Variants in TMEM132D observed in about 807,000 individuals in gnomAD.
TMEM132D encodes the protein mature OL transmembrane protein.
A neutral mutation model predicts 62.3 loss-of-function variants in TMEM132D; 21 were observed. That is an observed-to-expected ratio of 0.34 (90% confidence interval 0.24 to 0.49). TMEM132D has a LOEUF of 0.49. Ranked by LOEUF, TMEM132D falls within the 20% of genes least tolerant of loss-of-function variation. The pLI is 0.99. For missense variants in TMEM132D, 1,346 were observed against 1,402.8 expected, an observed-to-expected ratio of 0.96 and a Z score of 0.65; for synonymous variants, 621 against 575.6, an observed-to-expected ratio of 1.08 and a Z score of -1.13.
chr12:129,249,702 G>A (rs929673559), intron 4 of TMEM132D, among the ~76,000 whole-genome samples: 1 of 152,174 alleles, frequency 6.6e-6, no homozygotes, highest in African/African-American at 2.4e-5. Context: ...TACAATAACA[G>A]ATATTTACTT....
chr12:129,798,533 AT>A (rs1226951072), intron 1 of TMEM132D, among the ~76,000 whole-genome samples: 1 of 152,200 alleles, frequency 6.6e-6, no homozygotes, highest in African/African-American at 2.4e-5. Flanking sequence ...ATTAAGTTAA[AT>A]GGTGCAGGAT....
At chr12:129,418,612 T>C (rs929133500) in intron 3 of TMEM132D, among the ~76,000 whole-genome samples, 1 of 151,998 alleles carries the variant, frequency 6.6e-6, no homozygotes, top group African/African-American at 2.4e-5. Context: ...CTAATGCATG[T>C]GGGGCTTAAA....
intron 2 of TMEM132D, among the ~76,000 whole-genome samples, chr12:129,587,591 C>G (rs1358958459): frequency 6.6e-6 from 1 of 152,102 alleles, no homozygotes; most frequent in Non-Finnish European, 1.5e-5. Flanking sequence ...ATTCCCAAAG[C>G]TGTAAATATG....
intron 5 of TMEM132D, among the ~76,000 whole-genome samples, chr12:129,088,730 GT>G (rs1874771762): frequency 2.1e-5 from 1 of 48,646 alleles, no homozygotes. Flanking sequence ...CCCTGACCGG[GT>G]GTCCTCCATG....
chr12:129,675,523 C>T (rs1880606661), intron 2 of TMEM132D, among the ~76,000 whole-genome samples: 2 of 152,102 alleles, frequency 1.3e-5, no homozygotes, highest in Admixed American at 1.3e-4. Flanking sequence ...ACATGTATCC[C>T]AGAACTTAAA....
chr12:129,545,086 T>C (rs569620597), intron 2 of TMEM132D, among the ~76,000 whole-genome samples: 1 of 152,336 alleles, frequency 6.6e-6, no homozygotes, highest in East Asian at 1.9e-4. Flanking sequence ...GTCACTGTGA[T>C]TGGGTCCAAA....
At chr12:129,702,368 G>A (rs1025247670) in intron 1 of TMEM132D, among the ~76,000 whole-genome samples, 2 of 152,190 alleles carry the variant, frequency 1.3e-5, no homozygotes, top group Non-Finnish European at 2.9e-5. Flanking sequence ...GGGACTCCAT[G>A]CCTTAAAAAG....
At chr12:129,257,496 A>T (rs1228795805) in intron 4 of TMEM132D, among the ~76,000 whole-genome samples, 1 of 152,184 alleles carries the variant, frequency 6.6e-6, no homozygotes, top group Non-Finnish European at 1.5e-5. Context: ...GGCGTGAGCC[A>T]CTGTGCCCGG....
chr12:129,299,737 G>T (rs1593328465), intron 4 of TMEM132D, among the ~76,000 whole-genome samples: 1 of 152,004 alleles, frequency 6.6e-6, no homozygotes, highest in African/African-American at 2.4e-5. Flanking sequence ...AGAAAAAAGG[G>T]AAATGACAAT....
rs1366133114 is a variant in TMEM132D, at chr12:129,104,837, A to G, written c.1444-20135T>C. Among the ~76,000 whole-genome samples the G allele has an allele frequency of 2.1e-5, 3 of 143,770 alleles. No homozygotes were observed. The East Asian group carries it at 6.1e-4, about 29-fold the overall frequency. The allele number at this position is 143,770 out of a possible 152,430, so 94.3% of individuals were successfully genotyped here. A position where few individuals can be genotyped will look rare whatever the true frequency, so the allele number is the denominator to read the frequency against. ...TCAGAGAAATGCAAATCAAAACCAC[A>G]ATGAGATACCATCTTACACCAGTTA... On this transcript the variant is annotated intron_variant, in intron 5 of 8. Transcript: ENST00000422113.
At position 129,531,048 on chromosome 12, in the gene TMEM132D, T is replaced by C. The variant is rs768436747; in HGVS notation, c.1115+11A>G. 2.0e-5 allele frequency: 32 copies of C among 1,607,736 alleles called. No individual in the cohort carries two copies. The African/African-American group carries it at 3.8e-4, about 19-fold the overall frequency. ...CTGATCTGAATATATCGGAGGCCAG[T>C]TGGGACTCACCTGTTTTCTGAGCCA... is the stretch of plus-strand genomic sequence containing the variant. On this transcript the variant is annotated intron_variant, in intron 3 of 8. Transcript: ENST00000422113.
rs141122623 is a variant in TMEM132D, at chr12:129,627,345, A to G, written c.968+72465T>C. On this transcript the variant is annotated intron_variant, in intron 2 of 8. Coordinates refer to ENST00000422113, the MANE Select transcript of TMEM132D (RefSeq NM_133448.3). Reference sequence around the variant, plus strand: ...TGTGTTACAATTTCCTGCCATATTCAGTACAGTAACACGATGCACAGGTTT... The same window carrying G: ...TGTGTTACAATTTCCTGCCATATTCGGTACAGTAACACGATGCACAGGTTT... 4.2e-3 allele frequency among the ~76,000 whole-genome samples: 634 copies of G among 152,336 alleles called. 7 individuals carry two copies. The highest frequency in any genetic ancestry group is 7.4e-3 in the Non-Finnish European group (504 of 68,024).
chr12:129,842,097 A>AT (rs746315309), intron 1 of TMEM132D, among the ~76,000 whole-genome samples: 12,403 of 97,436 alleles, frequency 0.13, 1,732 homozygotes, highest in African/African-American at 0.39. Flanking sequence ...CGCCCGGCTA[A>AT]TTTTTTTTTT....
chr12:129,505,072 G>C (rs1221349885), intron 3 of TMEM132D, among the ~76,000 whole-genome samples: 1 of 152,168 alleles, frequency 6.6e-6, no homozygotes, highest in Non-Finnish European at 1.5e-5. Flanking sequence ...TGTGGTCTGA[G>C]AGAGTGATTG....
intron 4 of TMEM132D, among the ~76,000 whole-genome samples, chr12:129,320,222 T>A (rs753335166): frequency 6.6e-6 from 1 of 152,238 alleles, no homozygotes; most frequent in Non-Finnish European, 1.5e-5. Context: ...TTTTCAGTTC[T>A]GGGACTACAG....
chr12:129,248,628 G>C (rs1880185061), intron 4 of TMEM132D, among the ~76,000 whole-genome samples: 2 of 151,876 alleles, frequency 1.3e-5, no homozygotes, highest in South Asian at 4.2e-4. Context: ...GGGTCATGGG[G>C]GTTTGTTGTA....
intron 3 of TMEM132D, among the ~76,000 whole-genome samples, chr12:129,432,231 A>T (rs1181635666): frequency 6.6e-6 from 1 of 150,576 alleles, no homozygotes; most frequent in Non-Finnish European, 1.5e-5. Flanking sequence ...GCTTGGATGG[A>T]TGGATGGATG....
intron 1 of TMEM132D, among the ~76,000 whole-genome samples, chr12:129,798,572 A>T (rs964877962): frequency 2.6e-5 from 4 of 152,296 alleles, no homozygotes; most frequent in East Asian, 1.9e-4. Context: ...CACTAATCTA[A>T]TGGGTACATG....
chr12:129,797,058 G>A (rs1001649283), intron 1 of TMEM132D, among the ~76,000 whole-genome samples: 3 of 152,016 alleles, frequency 2.0e-5, no homozygotes, highest in Non-Finnish European at 2.9e-5. Flanking sequence ...TCTTCTCAAC[G>A]CTATGCTCTT....
Sources: gnomAD v4.1 joint callset for allele counts (sites outside exome capture counted in the v4.1 genomes callset) on GRCh38, gnomAD v4.1.1 for gene constraint, MANE v1.5 for transcripts, NCBI Gene and HGNC (gene_info 2026-07-23, HGNC 2026-07-21) for gene names.